Variants in DNAH8 observed in about 807,000 individuals in gnomAD.
The protein encoded by DNAH8 is axonemal beta dynein heavy chain 8.
A neutral mutation model predicts 562.1 loss-of-function variants in DNAH8; 382 were observed. The ratio of observed to expected loss-of-function variants is 0.68; its 90% CI spans 0.63 to 0.74. The LOEUF (loss-of-function observed/expected upper bound fraction) is 0.74, where lower values mean the gene tolerates loss of function less well. Among genes scored for constraint, DNAH8 ranks in the 30% least tolerant of loss-of-function variants. DNAH8 has a pLI of 0.00. For synonymous variants in DNAH8, 1,881 were observed against 1,919.4 expected (o/e 0.98, Z 0.52); for missense variants, 5,203 against 5,620.4 (o/e 0.93, Z 2.37).
chr6:38,874,718 A>G (rs1017832845), intron 52 of DNAH8, among the ~76,000 whole-genome samples: 2 of 152,076 alleles, frequency 1.3e-5, no homozygotes, highest in African/African-American at 2.4e-5. Flanking sequence ...TTGAGTTAAA[A>G]CAGAATTAAT....
At chr6:38,715,596 C>T (rs1337912415) in intron 1 of DNAH8, among the ~76,000 whole-genome samples, 181 bp downstream of exon 1, 1 of 152,190 alleles carries the variant, frequency 6.6e-6, no homozygotes, top group African/African-American at 2.4e-5. Flanking sequence ...AGCTGAGTCA[C>T]TACCCTTTGT....
Position 38,921,392 on chromosome 6 carries a change from C to A in DNAH8, c.10548C>A (p.Gly3516=), listed in dbSNP as rs200840791. The A allele has an allele frequency of 7.1e-5, 115 of 1,613,492 alleles. No homozygotes were observed. Among genetic ancestry groups the A allele is most frequent in the Non-Finnish European group, 2.9e-5 (34 of 1,179,786 alleles). The change falls in exon 71 of 93, where the codon GGC becomes GGA. Residue 3516 remains glycine (G), a synonymous_variant. Transcript: ENST00000327475. ...PLKANLAKQE[G]RLAVANAELG... ...AGGCCAACCTGGCCAAGCAGGAAGG[C>A]CGGTTAGCAGTTGCTAATGCTGAGT...
chr6:39,027,520 T>C (rs186561707), intron 92 of DNAH8, among the ~76,000 whole-genome samples: 2 of 152,300 alleles, frequency 1.3e-5, no homozygotes, highest in East Asian at 3.9e-4. Context: ...ATGAGCATGA[T>C]AATTCAACCT....
chr6:38,785,751 T>C (rs1769103712), intron 17 of DNAH8, among the ~76,000 whole-genome samples: 1 of 152,142 alleles, frequency 6.6e-6, no homozygotes, highest in African/African-American at 2.4e-5. Flanking sequence ...TCTGTTAGGA[T>C]AAGTGATTTC....
At chr6:38,946,006 T>C (rs1036984758) in intron 80 of DNAH8, among the ~76,000 whole-genome samples, 24 of 152,198 alleles carry the variant, frequency 1.6e-4, no homozygotes, top group African/African-American at 5.5e-4. Context: ...AGTGGTGAAA[T>C]ATAATGGTGA....
At chr6:38,769,409 A>G (rs1203984812) in intron 11 of DNAH8, among the ~76,000 whole-genome samples, 1 of 152,168 alleles carries the variant, frequency 6.6e-6, no homozygotes, top group Non-Finnish European at 1.5e-5. Flanking sequence ...TGAGTGAAAA[A>G]TAATCAGAGA....
At position 38,823,706 on chromosome 6, in the gene DNAH8, A is replaced by T; in HGVS notation, c.3847+18A>T. ...ACATACAGGTATTTTAAAAATGTTT[A>T]TTATGTAAAGTATCTGTACTTTCAC... On this transcript the variant is annotated intron_variant, in intron 28 of 92. Coordinates refer to ENST00000327475, the MANE Select transcript of DNAH8 (RefSeq NM_001206927.2). 1 of 1,567,560 alleles carries T rather than the reference A, an allele frequency of 6.4e-7. No homozygotes were observed. Among genetic ancestry groups the T allele is most frequent in the Non-Finnish European group, 8.7e-7 (1 of 1,145,892 alleles).
At chr6:38,872,102 C>A (rs1777513192) in intron 49 of DNAH8, among the ~76,000 whole-genome samples, 1 of 152,194 alleles carries the variant, frequency 6.6e-6, no homozygotes, top group South Asian at 2.1e-4. Flanking sequence ...TGATGTACTT[C>A]TGGGGAATTA....
chr6:38,857,853 A>G, intron 42 of DNAH8, 111 bp downstream of exon 42: 3 of 675,564 alleles, frequency 4.4e-6, no homozygotes, highest in South Asian at 3.9e-5. Context: ...CTTTTTCATA[A>G]CTGTCCATCA....
At chr6:38,902,415 G>A (rs1396430751) in intron 62 of DNAH8, among the ~76,000 whole-genome samples, 1 of 152,122 alleles carries the variant, frequency 6.6e-6, no homozygotes, top group Non-Finnish European at 1.5e-5. Context: ...CAGTCAACAA[G>A]GGACCACTCC....
chr6:38,940,832 C>T (rs1471788572), intron 79 of DNAH8, among the ~76,000 whole-genome samples: 1 of 152,110 alleles, frequency 6.6e-6, no homozygotes, highest in Non-Finnish European at 1.5e-5. Flanking sequence ...GAAAAGATAA[C>T]CTAGGCCGGG....
chr6:38,831,445 A>G (rs952931189), intron 30 of DNAH8, among the ~76,000 whole-genome samples: 3 of 151,576 alleles, frequency 2.0e-5, no homozygotes, highest in Admixed American at 1.3e-4. Flanking sequence ...AAAAAAAAAA[A>G]AAAAAGAAAA....
intron 82 of DNAH8, among the ~76,000 whole-genome samples, chr6:38,967,317 T>C (rs1475430638): frequency 1.3e-5 from 2 of 151,614 alleles, no homozygotes; most frequent in African/African-American, 2.4e-5. Flanking sequence ...AAAAAAACCA[T>C]CTACATTGGA....
chr6:38,940,840 G>A (rs1019449809), intron 79 of DNAH8, among the ~76,000 whole-genome samples: 3 of 152,136 alleles, frequency 2.0e-5, no homozygotes, highest in African/African-American at 7.2e-5. Flanking sequence ...AACCTAGGCC[G>A]GGCGCGGTGG....
intron 65 of DNAH8, 43 bp downstream of exon 65, chr6:38,909,787 A>G (rs1780747625): frequency 2.0e-6 from 3 of 1,470,374 alleles, no homozygotes; most frequent in Non-Finnish European, 2.9e-6. Flanking sequence ...GAACCACAGC[A>G]TGTATTCCCA....
chr6:38,974,332 G>A, intron 84 of DNAH8, 42 bp from the exon 85 acceptor site: 1 of 1,464,490 alleles, frequency 6.8e-7, no homozygotes, highest in Non-Finnish European at 9.3e-7. Flanking sequence ...ATTCTTTATA[G>A]TAATTTATAG....
At position 38,929,545 on chromosome 6, in the gene DNAH8, A is replaced by G; in HGVS notation, c.11153A>G (p.His3718Arg). The change falls in exon 75 of 93, where the codon CAC becomes CGC. Residue 3718 changes from histidine to arginine, a missense_variant. This residue lies in a region of DNAH8 where 1,399 missense variants were observed against 1,518.4 expected (regional missense o/e 0.92). Coordinates refer to ENST00000327475, the MANE Select transcript of DNAH8 (RefSeq NM_001206927.2). ...CTGAACCATAAATATTTTCGCACAC[A>G]CTTGGAGGACAGCCTTTCCTTGGGC... ...TSLNHKYFRT[H>R]LEDSLSLGRP... is the part of the protein sequence containing the mutation. The G allele has an allele frequency of 3.7e-6, 6 of 1,613,036 alleles. No homozygotes were observed. Among genetic ancestry groups the G allele is most frequent in the Non-Finnish European group, 4.2e-6 (5 of 1,179,398 alleles).
At chr6:39,026,861 T>C (rs1478499690) in intron 92 of DNAH8, among the ~76,000 whole-genome samples, 194 bp downstream of exon 92, 2 of 152,248 alleles carry the variant, frequency 1.3e-5, no homozygotes, top group Non-Finnish European at 2.9e-5. Context: ...TGACAAGGTC[T>C]AATGAGCTCT....
chr6:38,722,052 C>T (rs947899624), intron 1 of DNAH8, among the ~76,000 whole-genome samples: 4 of 152,200 alleles, frequency 2.6e-5, no homozygotes, highest in African/African-American at 7.2e-5. Flanking sequence ...TTTCCACTGG[C>T]GTCCCCTAAT....
Sources: gnomAD v4.1 joint callset for allele counts (sites outside exome capture counted in the v4.1 genomes callset) on GRCh38, gnomAD v4.1.1 for gene constraint, gnomAD v4.1.1 regional missense constraint, MANE v1.5 for transcripts, NCBI Gene and HGNC (gene_info 2026-07-23, HGNC 2026-07-21) for gene names.